The following GLRA2 variants were observed in gnomAD, a reference collection of about 807,000 sequenced individuals.
The protein encoded by GLRA2 is glycine receptor alpha 2, also known as glycine receptor subunit alpha-2.
Under a neutral mutation model 31.6 loss-of-function variants are expected in GLRA2, and 11 were observed. The observed-to-expected ratio is 0.35, with a 90% CI of 0.22 to 0.58. The LOEUF is 0.58. Ranked by LOEUF, GLRA2 falls within the 20% of genes least tolerant of loss-of-function variation. The pLI, the probability that GLRA2 is intolerant of heterozygous loss-of-function variation, is 0.84. For missense variants in GLRA2, 212 were observed against 351.8 expected, an observed-to-expected ratio of 0.60 and a Z score of 3.18; for synonymous variants, 132 against 134.0, an observed-to-expected ratio of 0.99 and a Z score of 0.10.
intron 8 of GLRA2, among the ~76,000 whole-genome samples, chrX:14,698,359 T>TAATTTTTTTTTAATTATTTAA (rs2091479861): frequency 9.0e-6 from 1 of 110,819 alleles, no homozygotes; most frequent in Non-Finnish European, 1.9e-5. Context: ...TGGCCTGAGT[T>TAATTTTTTTTTAATTATTTAA]AATTTTTTTT....
intron 7 of GLRA2, among the ~76,000 whole-genome samples, chrX:14,643,310 A>G (rs2090795356): frequency 8.9e-6 from 1 of 111,930 alleles, no homozygotes; most frequent in Admixed American, 9.5e-5. Flanking sequence ...AAGTGAGCTG[A>G]TACATGGGTG....
intron 7 of GLRA2, among the ~76,000 whole-genome samples, chrX:14,621,401 A>G (rs2090515556): frequency 9.0e-6 from 1 of 110,809 alleles, no homozygotes; most frequent in African/African-American, 3.3e-5. Context: ...TCTAGGGTGC[A>G]TATGCACAAT....
intron 8 of GLRA2, among the ~76,000 whole-genome samples, chrX:14,712,442 AT>A (rs1359203561): frequency 9.0e-6 from 1 of 111,150 alleles, no homozygotes; most frequent in Non-Finnish European, 1.9e-5. Context: ...CAAGTGCAGG[AT>A]TTTGTCTTCT....
At chrX:14,595,545 T>C (rs958919731) in intron 4 of GLRA2, among the ~76,000 whole-genome samples, 1 of 111,941 alleles carries the variant, frequency 8.9e-6, no homozygotes, top group African/African-American at 3.2e-5. Flanking sequence ...ATTTCATTCC[T>C]TGCCTGCCTA....
intron 3 of GLRA2, among the ~76,000 whole-genome samples, chrX:14,580,701 C>A (rs1200577790): frequency 9.0e-6 from 1 of 111,523 alleles, no homozygotes; most frequent in Non-Finnish European, 1.9e-5. Context: ...AAAATATTGC[C>A]CCATCATGTC....
chrX:14,607,098 T>C (rs1020091905), intron 5 of GLRA2, 33 bp from the exon 6 acceptor site: 6 of 1,090,922 alleles, frequency 5.5e-6, no homozygotes, highest in Non-Finnish European at 7.5e-6. Context: ...TGGAAAGCCA[T>C]ATTCAATTTT....
At chrX:14,719,042 T>C (rs1224250369) in intron 8 of GLRA2, among the ~76,000 whole-genome samples, 1 of 111,792 alleles carries the variant, frequency 8.9e-6, no homozygotes, top group African/African-American at 3.3e-5. Context: ...GTCCACCCTC[T>C]TCGCACAACA....
At chrX:14,468,019 C>T in the GLRA2 span, among the ~76,000 whole-genome samples, 1 of 111,423 alleles carries the variant, frequency 9.0e-6, no homozygotes, top group African/African-American at 3.3e-5. Context: ...GAGGGTGCAT[C>T]AATGTTAGGT....
chrX:14,584,575 T>A (rs1040529982), intron 4 of GLRA2, among the ~76,000 whole-genome samples: 2 of 111,936 alleles, frequency 1.8e-5, no homozygotes, highest in Non-Finnish European at 3.8e-5. Flanking sequence ...CAATGTCTTG[T>A]GGAATAAAAG....
intron 8 of GLRA2, among the ~76,000 whole-genome samples, chrX:14,701,755 G>A (rs762164004): frequency 8.9e-6 from 1 of 112,574 alleles, no homozygotes; most frequent in East Asian, 2.8e-4. Context: ...TATTTCTATA[G>A]TTACCAAATT....
At chrX:14,562,862 A>T (rs973460648) in intron 2 of GLRA2, among the ~76,000 whole-genome samples, 1 of 111,932 alleles carries the variant, frequency 8.9e-6, no homozygotes, top group Non-Finnish European at 1.9e-5. Flanking sequence ...GGGTTAAGGC[A>T]TATGAATGTG....
At chrX:14,511,502 T>C in the GLRA2 span, among the ~76,000 whole-genome samples, 16 of 112,148 alleles carry the variant, frequency 1.4e-4, no homozygotes, top group African/African-American at 5.2e-4. Flanking sequence ...TTACTAAAGT[T>C]AGTAACTTAA....
upstream of GLRA2, among the ~76,000 whole-genome samples, chrX:14,526,323 C>T (rs1032368347): frequency 1.8e-5 from 2 of 112,579 alleles, no homozygotes; most frequent in African/African-American, 6.4e-5. Context: ...TGAGTAGTTT[C>T]CTTGTTCTAC....
intron 2 of GLRA2, among the ~76,000 whole-genome samples, chrX:14,564,936 G>T (rs1474416275): frequency 9.1e-6 from 1 of 109,935 alleles, no homozygotes; most frequent in Non-Finnish European, 1.9e-5. Flanking sequence ...AATCCAAATG[G>T]TTCACTACAA....
chrX:14,523,363 C>T, the GLRA2 span, among the ~76,000 whole-genome samples: 2 of 111,908 alleles, frequency 1.8e-5, no homozygotes, highest in Non-Finnish European at 3.8e-5. Context: ...CTTTGATCTC[C>T]AATCCAGGCC....
intron 7 of GLRA2, among the ~76,000 whole-genome samples, chrX:14,677,542 G>T (rs2091157429): frequency 8.9e-6 from 1 of 112,174 alleles, no homozygotes. Flanking sequence ...GATGGAATTT[G>T]GTCTACTCCT....
chrX:14,565,730 A>T (rs768706987), intron 2 of GLRA2, among the ~76,000 whole-genome samples: 41 of 111,835 alleles, frequency 3.7e-4, no homozygotes, highest in African/African-American at 1.3e-3. Flanking sequence ...TTTGGAAATA[A>T]TACCGTCTTA....
chrX:14,498,883 G>T, the GLRA2 span, among the ~76,000 whole-genome samples: 7 of 111,529 alleles, frequency 6.3e-5, no homozygotes, highest in African/African-American at 2.3e-4. Flanking sequence ...TCTGAGCTTG[G>T]TTTATTTCAC....
the GLRA2 span, among the ~76,000 whole-genome samples, chrX:14,521,392 C>T: frequency 8.9e-6 from 1 of 111,942 alleles, no homozygotes; most frequent in Non-Finnish European, 1.9e-5. Context: ...AGATAGGACA[C>T]ACTTCTCCTT....
Sources: gnomAD v4.1 joint callset for allele counts (sites outside exome capture counted in the v4.1 genomes callset) on GRCh38, gnomAD v4.1.1 for gene constraint, MANE v1.5 for transcripts, NCBI Gene and HGNC (gene_info 2026-07-23, HGNC 2026-07-21) for gene names.